KCNIP4: variants seen among roughly 807,000 people sequenced by gnomAD.
KCNIP4 encodes the protein potassium voltage-gated channel interacting protein 4.
In KCNIP4, 12 loss-of-function variants were observed where a neutral mutation model predicts 34.0. The observed-to-expected ratio is 0.35, with a 90% CI of 0.23 to 0.57. The LOEUF is 0.57. Among genes scored for constraint, KCNIP4 ranks in the 20% least tolerant of loss-of-function variants. The probability of loss-of-function intolerance (pLI) is 0.83; values close to 1 mark genes in which losing one functional copy is unlikely to be tolerated. For synonymous variants in KCNIP4, 124 were observed against 102.2 expected (o/e 1.21, Z -1.29); for missense variants, 238 against 311.7 (o/e 0.76, Z 1.78).
chr4:20,814,898 T>C (rs1716194544), intron 3 of KCNIP4, among the ~76,000 whole-genome samples: 1 of 152,206 alleles, frequency 6.6e-6, no homozygotes, highest in Admixed American at 6.5e-5. Flanking sequence ...TCATTTCTGA[T>C]AGTTTTCTAA....
At chr4:21,708,141 T>G (rs1047771679) in intron 1 of KCNIP4, among the ~76,000 whole-genome samples, 1 of 152,154 alleles carries the variant, frequency 6.6e-6, no homozygotes, top group African/African-American at 2.4e-5. Flanking sequence ...TAAACAGTCA[T>G]GCAGTCTCCT....
chr4:20,782,689 TC>T (rs1756978444), intron 3 of KCNIP4, among the ~76,000 whole-genome samples: 5 of 152,204 alleles, frequency 3.3e-5, no homozygotes, highest in African/African-American at 7.2e-5. Flanking sequence ...ACCATTTTTT[TC>T]CTCCTATACC....
intron 3 of KCNIP4, among the ~76,000 whole-genome samples, chr4:20,817,402 A>C (rs1019515853): frequency 2.0e-5 from 3 of 152,100 alleles, no homozygotes; most frequent in African/African-American, 2.4e-5. Flanking sequence ...TTCTCGACTA[A>C]AACCCAGCTC....
intron 1 of KCNIP4, among the ~76,000 whole-genome samples, chr4:21,284,872 G>A (rs919446110): frequency 2.0e-5 from 3 of 152,002 alleles, no homozygotes; most frequent in South Asian, 2.1e-4. Context: ...CACACCCACC[G>A]GGAGAAGGGA....
chr4:21,331,987 T>G (rs1715685836), intron 1 of KCNIP4, among the ~76,000 whole-genome samples: 1 of 152,064 alleles, frequency 6.6e-6, no homozygotes, highest in Non-Finnish European at 1.5e-5. Flanking sequence ...TACATGATAA[T>G]AAGAGCATCT....
chr4:20,901,848 T>A (rs745309009), intron 1 of KCNIP4, among the ~76,000 whole-genome samples: 93 of 151,956 alleles, frequency 6.1e-4, no homozygotes, highest in Non-Finnish European at 9.0e-4. Flanking sequence ...ATTCTTTAAG[T>A]ATGACATGAA....
chr4:21,181,236 GT>G (rs901674647), intron 1 of KCNIP4, among the ~76,000 whole-genome samples: 5 of 151,540 alleles, frequency 3.3e-5, no homozygotes, highest in East Asian at 3.9e-4. Context: ...AGGGTGACAA[GT>G]TTTTTTTTCC....
intron 1 of KCNIP4, among the ~76,000 whole-genome samples, chr4:21,357,897 T>G (rs1718808637): frequency 6.6e-6 from 1 of 152,108 alleles, no homozygotes; most frequent in African/African-American, 2.4e-5. Flanking sequence ...CTATTCACAA[T>G]AGCAAAAACT....
chr4:20,998,194 AGTAAGTGAGAT>A (rs981556354), intron 1 of KCNIP4, among the ~76,000 whole-genome samples: 48 of 152,342 alleles, frequency 3.2e-4, no homozygotes, highest in African/African-American at 1.1e-3. Flanking sequence ...GAGCAGGATT[AGTAAGTGAGAT>A]GTAAGGAGAA....
chr4:21,919,012 A>G (rs1728798617), intron 1 of KCNIP4, among the ~76,000 whole-genome samples: 1 of 152,180 alleles, frequency 6.6e-6, no homozygotes, highest in African/African-American at 2.4e-5. Flanking sequence ...AGAACATCTT[A>G]TAAGACAGAA....
chr4:20,936,766 C>A (rs12650301), intron 1 of KCNIP4, among the ~76,000 whole-genome samples: 3 of 152,094 alleles, frequency 2.0e-5, no homozygotes, highest in African/African-American at 7.2e-5. Flanking sequence ...AATCCCTCAC[C>A]ATGTCCCACA....
chr4:21,768,368 C>T (rs1401688002), intron 1 of KCNIP4, among the ~76,000 whole-genome samples: 1 of 151,956 alleles, frequency 6.6e-6, no homozygotes, highest in Admixed American at 6.6e-5. Context: ...ACTTTTTGAC[C>T]TCTGAGTACG....
intron 1 of KCNIP4, among the ~76,000 whole-genome samples, chr4:21,173,530 G>A (rs1754172384): frequency 6.6e-6 from 1 of 152,150 alleles, no homozygotes. Flanking sequence ...ACATCATTTG[G>A]ACAGCTCCCT....
chr4:21,580,030 C>A (rs1389901051), intron 1 of KCNIP4, among the ~76,000 whole-genome samples: 1 of 151,926 alleles, frequency 6.6e-6, no homozygotes, highest in East Asian at 1.9e-4. Flanking sequence ...ATATAGGTGC[C>A]CAAATATGTG....
intron 1 of KCNIP4, among the ~76,000 whole-genome samples, chr4:20,898,425 C>T (rs542096952): frequency 2.5e-4 from 38 of 152,226 alleles, no homozygotes; most frequent in African/African-American, 7.9e-4. Context: ...CCTGGAACAC[C>T]ACTAACAATG....
chr4:20,805,409 C>A (rs1313761504), intron 3 of KCNIP4, among the ~76,000 whole-genome samples: 1 of 151,894 alleles, frequency 6.6e-6, no homozygotes, highest in African/African-American at 2.4e-5. Context: ...AGCTTTGTAA[C>A]TGTTCTGAGA....
At chr4:21,190,450 C>G (rs1220461963) in intron 1 of KCNIP4, among the ~76,000 whole-genome samples, 1 of 130,246 alleles carries the variant, frequency 7.7e-6, no homozygotes, top group Non-Finnish European at 1.6e-5. Context: ...GTGTGCCACA[C>G]CTCCCTTACC....
chr4:21,877,724 C>T (rs1186490946), intron 1 of KCNIP4, among the ~76,000 whole-genome samples: 6 of 152,176 alleles, frequency 3.9e-5, no homozygotes, highest in Non-Finnish European at 8.8e-5. Context: ...GACTAATCTC[C>T]CTGCAGATGC....
At chr4:21,105,536 T>C (rs1251459754) in intron 1 of KCNIP4, among the ~76,000 whole-genome samples, 5 of 151,716 alleles carry the variant, frequency 3.3e-5, no homozygotes, top group Non-Finnish European at 7.3e-5. Context: ...TCATGTCATC[T>C]GCAAACAGGG....
Sources: allele counts gnomAD v4.1 joint callset (sites outside exome capture counted in the v4.1 genomes callset), GRCh38; gene constraint gnomAD v4.1.1; transcripts MANE v1.5; gene names NCBI Gene and HGNC (gene_info 2026-07-23, HGNC 2026-07-21).